OR7A5: variants seen among roughly 807,000 people sequenced by gnomAD.
OR7A5 encodes olfactory receptor family 7 subfamily A member 5, also known as olfactory receptor 7A5.
For missense variants in OR7A5, 319 were observed against 377.9 expected, an observed-to-expected ratio of 0.84 and a Z score of 1.29; for synonymous variants, 140 against 146.7, an observed-to-expected ratio of 0.95 and a Z score of 0.33.
At position 14,828,014 on chromosome 19, in the gene OR7A5, G is replaced by C; in HGVS notation, c.228C>G (p.Thr76=). The C allele has an allele frequency of 6.2e-7, 1 of 1,614,184 alleles. No homozygotes were observed. Among genetic ancestry groups the C allele is most frequent in the Middle Eastern group, 1.6e-4 (1 of 6,062 alleles). Reference sequence around the variant, plus strand: ...TGTTCATCAGCATTTTTGGAATGGTGGTGGAAGTAACACAAATGTCAGCAA... The same window carrying C: ...TGTTCATCAGCATTTTTGGAATGGTCGTGGAAGTAACACAAATGTCAGCAA... ...LSFADICVTS[T]TIPKMLMNIQ... is the part of the protein sequence containing the mutation. Residue 76 remains threonine (T), a synonymous_variant, in exon 2 of 2, where the codon ACC becomes ACG. Transcript: ENST00000322301.
chr19:14,833,388 A>G (rs1375620632), intron 1 of OR7A5, among the ~76,000 whole-genome samples: 2 of 152,212 alleles, frequency 1.3e-5, no homozygotes, highest in Non-Finnish European at 1.5e-5. Flanking sequence ...CTGAGGTGGG[A>G]GAATCGCTTG....
intron 1 of OR7A5, among the ~76,000 whole-genome samples, chr19:14,832,930 A>T (rs918918976): frequency 6.6e-6 from 1 of 152,232 alleles, no homozygotes; most frequent in Non-Finnish European, 1.5e-5. Context: ...GCAAAAATCT[A>T]GATATAAAAG....
At chr19:14,828,758 CAAAAAAAA>C (rs58983718) in intron 1 of OR7A5, among the ~76,000 whole-genome samples, 29 of 35,152 alleles carry the variant, frequency 8.2e-4, no homozygotes, top group South Asian at 4.3e-3. Context: ...GACTCCATCT[CAAAAAAAA>C]AAAAAAAAAA....
At chr19:14,831,341 A>G (rs8107079) in intron 1 of OR7A5, among the ~76,000 whole-genome samples, 29,305 of 152,144 alleles carry the variant, frequency 0.19, 3,476 homozygotes, top group African/African-American at 0.33. Flanking sequence ...TGCCTATTCC[A>G]TATTTACTTG....
At chr19:14,829,360 C>T (rs1029393341) in intron 1 of OR7A5, among the ~76,000 whole-genome samples, 1 of 152,172 alleles carries the variant, frequency 6.6e-6, no homozygotes, top group East Asian at 1.9e-4. Flanking sequence ...TGCACCACCA[C>T]GCCCAGCTAA....
Position 14,827,735 on chromosome 19 carries a change from G to T in OR7A5, c.507C>A (p.Cys169Ter). ...QILMVVRLSF[C>*]TALEIPHFFC... ...AAAAGTGGGGGATTTCTAAGGCTGT[G>T]CAGAAGGACAGCCGTACTACCATTA... Residue 169 changes from cysteine (C) to a stop codon, truncating the protein, a stop_gained, in exon 2 of 2, where the codon TGC (cysteine) becomes TGA (stop). Transcript: ENST00000322301. LOFTEE classifies it low-confidence loss of function (END_TRUNC). The T allele has an allele frequency of 6.2e-7, 1 of 1,614,092 alleles. No homozygotes were observed. Among genetic ancestry groups the T allele is most frequent in the South Asian group, 1.1e-5 (1 of 91,082 alleles).
Position 14,827,589 on chromosome 19 carries a change from TA to T in OR7A5, c.652del (p.Tyr218ThrfsTer4). 6.2e-7 allele frequency: 1 copy of T among 1,614,056 alleles called. No individual in the cohort carries two copies. ...GGPLTGILYS[Y>X]SKIISSIHAI... Reference sequence around the variant, plus strand: ...ATGTATGGAAGAAATTATCTTAGAGTAAGAGTAAAGGATCCCAGTCAGGGGA... The same window carrying T: ...ATGTATGGAAGAAATTATCTTAGAGTAGAGTAAAGGATCCCAGTCAGGGGA... On this transcript the variant is annotated frameshift_variant, in exon 2 of 2. Transcript: ENST00000322301. LOFTEE classifies it low-confidence loss of function (END_TRUNC).
At chr19:14,829,952 A>G (rs1599925839) in intron 1 of OR7A5, among the ~76,000 whole-genome samples, 1 of 151,608 alleles carries the variant, frequency 6.6e-6, no homozygotes, top group South Asian at 2.1e-4. Context: ...AGCTTCAACC[A>G]CCCAGGCTCA....
At position 14,826,475 on chromosome 19, in the gene OR7A5, C is replaced by G. The variant is rs754823044; in HGVS notation, c.*807G>C. ...GTATGGATGCATGAAACATTATAGA[C>G]CATGGCACCAAATCCATCACTCCAA... On this transcript the variant is annotated 3_prime_UTR_variant, in exon 2 of 2. Transcript: ENST00000322301. 3 of 152,104 alleles carry G rather than the reference C, an allele frequency of 2.0e-5. No individual in the cohort carries two copies. The highest frequency in any genetic ancestry group is 6.5e-5 in the Admixed American group (1 of 15,272). 9.4% of individuals were successfully genotyped at this position (152,104 alleles called of 1,614,324 possible). A position where few individuals can be genotyped will look rare whatever the true frequency, so the allele number is the denominator to read the frequency against.
At chr19:14,833,043 T>G (rs916695275) in intron 1 of OR7A5, among the ~76,000 whole-genome samples, 1 of 152,230 alleles carries the variant, frequency 6.6e-6, no homozygotes, top group African/African-American at 2.4e-5. Flanking sequence ...CATGGGCATT[T>G]AATATACAGC....
chr19:14,828,537 G>T (rs1228042110), intron 1 of OR7A5, among the ~76,000 whole-genome samples: 1 of 151,938 alleles, frequency 6.6e-6, no homozygotes, highest in African/African-American at 2.4e-5. Flanking sequence ...AAAGCAGGCG[G>T]ATCACGAGGT....
At position 14,827,421 on chromosome 19, in the gene OR7A5, G is replaced by T. The variant is rs1346287876; in HGVS notation, c.821C>A (p.Ala274Asp). The T allele has an allele frequency of 2.5e-6, 4 of 1,614,114 alleles. No homozygotes were observed. The Middle Eastern group carries it at 4.9e-4, about 200-fold the overall frequency. The change falls in exon 2 of 2, where the codon GCC (alanine) becomes GAC (aspartate). Residue 274 changes from alanine to aspartate, a missense_variant. Transcript: ENST00000322301. ...GGTGACCACAGTGTACATCACTGAGGCTGTTGCACTTGAGTGTGAGTTGCG... is the reference window on the plus strand; with the variant it reads ...GGTGACCACAGTGTACATCACTGAGTCTGTTGCACTTGAGTGTGAGTTGCG... ...ATRNSHSSAT[A>D]SVMYTVVTPM...
In OR7A5 at chr19:14,827,397, G is replaced by C. The variant is rs149403537; in HGVS notation, c.845C>G (p.Thr282Ser). 39 of 1,613,972 alleles carry C rather than the reference G, an allele frequency of 2.4e-5. No homozygotes were observed. Among genetic ancestry groups the C allele is most frequent in the Middle Eastern group, 3.3e-4 (2 of 6,054 alleles). The change falls in exon 2 of 2, where the codon ACC becomes AGC. Residue 282 changes from threonine (T) to serine (S), a missense_variant. Transcript: ENST00000322301. ...ATAGATAAAGGGGTTCAGCATGGGG[G>C]TGACCACAGTGTACATCACTGAGGC... ...ATASVMYTVV[T>S]PMLNPFIYSL... is the part of the protein sequence containing the mutation.
chr19:14,832,046 C>T (rs945873296), intron 1 of OR7A5, among the ~76,000 whole-genome samples: 12 of 152,022 alleles, frequency 7.9e-5, no homozygotes, highest in East Asian at 5.8e-4. Context: ...ATGACTGGGA[C>T]GAAAGGCATG....
chr19:14,828,210 T>C lies in OR7A5; in HGVS notation c.32A>G (p.Glu11Gly), dbSNP rs1252713311. MEPGNDTQIS[E>G]FLLLGFSQEP... is the part of the protein sequence containing the mutation. ...TTGTGAAAATCCCAGAAGAAGAAAT[T>C]CTGAAATTTGTGTATCATTTCCTGG... Residue 11 changes from glutamate (E) to glycine (G), a missense_variant, in exon 2 of 2, where the codon GAA becomes GGA. Coordinates refer to ENST00000322301, the MANE Select transcript of OR7A5 (RefSeq NM_017506.2). The C allele has an allele frequency of 2.5e-6, 4 of 1,612,722 alleles. No homozygotes were observed.
intron 1 of OR7A5, 110 bp from the exon 2 acceptor site, chr19:14,828,364 G>A (rs2044796155): frequency 4.4e-6 from 5 of 1,139,884 alleles, no homozygotes; most frequent in Non-Finnish European, 6.2e-6. Context: ...TACATTTTGT[G>A]TATGAATCTG....
chr19:14,828,389 A>T, intron 1 of OR7A5, 135 bp from the exon 2 acceptor site: 6 of 870,566 alleles, frequency 6.9e-6, no homozygotes, highest in South Asian at 5.6e-5. Context: ...TCTTTAAGGG[A>T]TCTCCATGTC....
Position 14,827,169 on chromosome 19 carries a change from A to T in OR7A5, c.*113T>A. 3 of 1,147,652 alleles carry T rather than the reference A, an allele frequency of 2.6e-6. No individual in the cohort carries two copies. Among genetic ancestry groups the T allele is most frequent in the South Asian group, 5.6e-5 (2 of 35,894 alleles). 71.1% of individuals were successfully genotyped at this position (1,147,652 alleles called of 1,614,324 possible). A position where few individuals can be genotyped will look rare whatever the true frequency, so the allele number is the denominator to read the frequency against. ...ATTCTACAAGACCAGTTGAAATCACAACAAATTGAAACTCCCAGAAATATA... is the reference window on the plus strand; with the variant it reads ...ATTCTACAAGACCAGTTGAAATCACTACAAATTGAAACTCCCAGAAATATA... On this transcript the variant is annotated 3_prime_UTR_variant, in exon 2 of 2. Transcript: ENST00000322301.
intron 1 of OR7A5, among the ~76,000 whole-genome samples, chr19:14,830,437 A>G (rs1446102052): frequency 1.3e-5 from 2 of 152,206 alleles, no homozygotes; most frequent in African/African-American, 2.4e-5. Flanking sequence ...CGGGTAGGTT[A>G]GCAAGAAAGG....
Sources: allele counts gnomAD v4.1 joint callset (sites outside exome capture counted in the v4.1 genomes callset), GRCh38; gene constraint gnomAD v4.1.1; transcripts MANE v1.5; gene names NCBI Gene and HGNC (gene_info 2026-07-23, HGNC 2026-07-21).